Variants in BRD1 observed in about 807,000 individuals in gnomAD.
The protein encoded by BRD1 is bromodomain containing 1, also known as bromodomain-containing protein 1.
In BRD1, 24 loss-of-function variants were observed where a neutral mutation model predicts 107.7. That is an observed-to-expected ratio of 0.22 (90% CI 0.16 to 0.31). The LOEUF is 0.31. Among genes scored for constraint, BRD1 ranks in the 10% least tolerant of loss-of-function variants. The probability of loss-of-function intolerance (pLI) is 1.00; values close to 1 mark genes in which losing one functional copy is unlikely to be tolerated. For missense variants in BRD1, 1,279 were observed against 1,638.6 expected, an observed-to-expected ratio of 0.78 and a Z score of 3.79; for synonymous variants, 744 against 686.1, an observed-to-expected ratio of 1.08 and a Z score of -1.32.
intron 8 of BRD1, among the ~76,000 whole-genome samples, chr22:49,778,554 C>A (rs2059144203): frequency 6.6e-6 from 1 of 152,220 alleles, no homozygotes; most frequent in Admixed American, 6.5e-5. Context: ...CAACGGGAAA[C>A]AACACATCTG....
At chr22:49,813,575 A>G (rs2059895193) in intron 2 of BRD1, among the ~76,000 whole-genome samples, 1 of 151,432 alleles carries the variant, frequency 6.6e-6, no homozygotes, top group Admixed American at 6.6e-5. Flanking sequence ...GCTCATGCCT[A>G]TAATCCCAGC....
intron 2 of BRD1, among the ~76,000 whole-genome samples, chr22:49,815,185 T>C (rs1412762390): frequency 2.6e-5 from 4 of 152,226 alleles, no homozygotes; most frequent in Non-Finnish European, 4.4e-5. Flanking sequence ...ACGCAGCCCA[T>C]GCTCTGAGCA....
chr22:49,792,302 C>T lies in BRD1; in HGVS notation c.2359+1732G>A, dbSNP rs1379223217. Among the ~76,000 whole-genome samples the T allele has an allele frequency of 1.3e-5, 2 of 152,230 alleles. No individual in the cohort carries two copies. The highest frequency in any genetic ancestry group is 1.5e-5 in the Non-Finnish European group (1 of 68,042). On this transcript the variant is annotated intron_variant, in intron 7 of 12. Transcript: ENST00000404760. The surrounding 1 kb of genome is among the most constrained non-coding windows in gnomAD (Gnocchi z 4.2). ...GGACCTGCTGGCAACCTCCTCACAG[C>T]TCAGTCCTCAGGGCACAGAAGACAA...
chr22:49,801,345 C>A (rs1464021929), intron 3 of BRD1, among the ~76,000 whole-genome samples: 4 of 152,204 alleles, frequency 2.6e-5, no homozygotes, highest in African/African-American at 9.7e-5. Context: ...CGCTGCAGCA[C>A]CCTCGGCGCC....
chr22:49,801,657 C>T (rs1324655005), intron 3 of BRD1, among the ~76,000 whole-genome samples: 3 of 152,236 alleles, frequency 2.0e-5, no homozygotes, highest in African/African-American at 7.2e-5. Flanking sequence ...GAAGCTGCCC[C>T]CTCTGCCAGA....
At chr22:49,790,494 G>A (rs978047632) in intron 7 of BRD1, among the ~76,000 whole-genome samples, 7 of 152,156 alleles carry the variant, frequency 4.6e-5, no homozygotes, top group African/African-American at 1.7e-4. Flanking sequence ...CCAGTCCCTG[G>A]AACTTGTCAC....
rs377250378 is a variant in BRD1, at chr22:49,783,678, G to A, written c.2857+3712C>T. Among the ~76,000 whole-genome samples, 21 of 142,590 alleles carry A rather than the reference G, an allele frequency of 1.5e-4. No individual in the cohort carries two copies. In the East Asian group the frequency reaches 2.9e-3, roughly 20 times the overall value. 93.5% of individuals were successfully genotyped at this position (142,590 alleles called of 152,430 possible). A position where few individuals can be genotyped will look rare whatever the true frequency, so the allele number is the denominator to read the frequency against. ...GAAGGCTGAGGTGCCACGACATCCC[G>A]CCAGCTCCAGGCGTGCACCGGGCGC... On this transcript the variant is annotated intron_variant, in intron 8 of 12. Transcript: ENST00000404760. This position sits in a 1 kb window ranked among gnomAD's most constrained non-coding sequence, Gnocchi z 4.2.
chr22:49,795,617 A>C (rs953291787), intron 6 of BRD1, among the ~76,000 whole-genome samples: 1 of 152,244 alleles, frequency 6.6e-6, no homozygotes. Flanking sequence ...GGCTGCTAAG[A>C]AGACAGGGAG....
At chr22:49,784,192 G>A (rs747178464) in intron 8 of BRD1, among the ~76,000 whole-genome samples, 13 of 151,188 alleles carry the variant, frequency 8.6e-5, no homozygotes, top group African/African-American at 2.0e-4. Flanking sequence ...ACAGAGACTC[G>A]CAGCAGGGGT....
chr22:49,778,987 C>T (rs2035265363), intron 8 of BRD1, among the ~76,000 whole-genome samples: 1 of 152,140 alleles, frequency 6.6e-6, no homozygotes, highest in Non-Finnish European at 1.5e-5. Context: ...CCAAAAAGAA[C>T]CCCGTTTTCC....
chr22:49,784,503 G>A (rs921942560), intron 8 of BRD1, among the ~76,000 whole-genome samples: 43 of 152,242 alleles, frequency 2.8e-4, no homozygotes, highest in African/African-American at 9.2e-4. Context: ...GAAGCCTGGC[G>A]CACAGCACAG....
chr22:49,785,342 T>C (rs1343341197), intron 8 of BRD1, among the ~76,000 whole-genome samples: 1 of 152,198 alleles, frequency 6.6e-6, no homozygotes, highest in East Asian at 1.9e-4. Flanking sequence ...CGGCAGGGCC[T>C]CCACGCACGC....
intron 1 of BRD1, among the ~76,000 whole-genome samples, chr22:49,826,629 A>G (rs1325870055): frequency 6.6e-6 from 1 of 152,236 alleles, no homozygotes; most frequent in African/African-American, 2.4e-5. Flanking sequence ...CCTCTCGGTC[A>G]AGGCCACAGG....
intron 2 of BRD1, among the ~76,000 whole-genome samples, chr22:49,807,360 T>G (rs912512640): frequency 6.6e-6 from 1 of 152,230 alleles, no homozygotes; most frequent in East Asian, 1.9e-4. Flanking sequence ...CTTCCTGACT[T>G]CAGAACTTAC....
At chr22:49,818,384 C>T in intron 2 of BRD1, 1 of 1,193,018 alleles carries the variant, frequency 8.4e-7, no homozygotes, top group Non-Finnish European at 1.1e-6. Context: ...TCTGATGAAC[C>T]TAGGAGTTTT....
At chr22:49,809,932 T>C (rs981514688) in intron 2 of BRD1, among the ~76,000 whole-genome samples, 6 of 152,128 alleles carry the variant, frequency 3.9e-5, no homozygotes, top group South Asian at 2.1e-4. Flanking sequence ...AACAAGCTCA[T>C]AGAGAATATT....
In BRD1 at chr22:49,796,919, G is replaced by A. The variant is rs192505151; in HGVS notation, c.2098+886C>T. Among the ~76,000 whole-genome samples the A allele has an allele frequency of 3.7e-3, 570 of 152,364 alleles. 1 individual carries two copies. The highest frequency in any genetic ancestry group is 0.012 in the African/African-American group (517 of 41,582). On this transcript the variant is annotated intron_variant, in intron 6 of 12. Coordinates refer to ENST00000404760, the MANE Select transcript of BRD1 (RefSeq NM_001304808.3). ...CATCCCAGAAGAAGCGACCTAGCAC[G>A]GGTCAGTGATTCATCAAGAGAAAGG...
At chr22:49,818,017 G>A (rs567794490) in intron 2 of BRD1, among the ~76,000 whole-genome samples, 1 of 152,344 alleles carries the variant, frequency 6.6e-6, no homozygotes, top group South Asian at 2.1e-4. Flanking sequence ...AATGCATGAG[G>A]AGAATATCTA....
In BRD1 at chr22:49,803,713, G is replaced by A. The variant is rs927326334; in HGVS notation, c.1524+491C>T. ...CCCTCCCCACCCCACCACAGTCCCA[G>A]CTAAACCAACCTTCAGAGCAAGGCC... On this transcript the variant is annotated intron_variant, in intron 3 of 12. Transcript: ENST00000404760. This position sits in a 1 kb window ranked among gnomAD's most constrained non-coding sequence, Gnocchi z 4.4. Among the ~76,000 whole-genome samples, 8 of 152,154 alleles carry A rather than the reference G, an allele frequency of 5.3e-5. No homozygotes were observed. Among genetic ancestry groups the A allele is most frequent in the East Asian group, 1.9e-4 (1 of 5,178 alleles).
Sources: gnomAD v4.1 joint callset for allele counts (sites outside exome capture counted in the v4.1 genomes callset) on GRCh38, gnomAD v4.1.1 for gene constraint, Gnocchi (gnomAD v3.1) non-coding constraint, MANE v1.5 for transcripts, NCBI Gene and HGNC (gene_info 2026-07-23, HGNC 2026-07-21) for gene names.